Variants in PALS2 observed in about 807,000 individuals in gnomAD.
PALS2 encodes the protein protein PALS2.
In PALS2, 27 loss-of-function variants were observed where a neutral mutation model predicts 61.6. The ratio of observed to expected loss-of-function variants is 0.44; its 90% CI spans 0.32 to 0.60. The LOEUF is 0.60. Among genes scored for constraint, PALS2 ranks in the 20% least tolerant of loss-of-function variants. PALS2 has a pLI of 0.05. For synonymous variants in PALS2, 236 were observed against 218.6 expected (o/e 1.08, Z -0.70); for missense variants, 554 against 639.4 (o/e 0.87, Z 1.44).
At chr7:24,595,573 A>G (rs992556961) in intron 1 of PALS2, among the ~76,000 whole-genome samples, 1 of 138,984 alleles carries the variant, frequency 7.2e-6, no homozygotes, top group Non-Finnish European at 1.5e-5. Flanking sequence ...ATATAAATAT[A>G]TATAAATATA....
At chr7:24,669,698 G>A (rs566013578) in intron 9 of PALS2, among the ~76,000 whole-genome samples, 196 of 152,228 alleles carry the variant, frequency 1.3e-3, no homozygotes, top group African/African-American at 4.3e-3. Context: ...TTCTCAGTGA[G>A]TACTCTTATT....
At position 24,639,814 on chromosome 7, in the gene PALS2, A is replaced by ATTTTTTTT. The variant is rs61073575; in HGVS notation, c.118-1885_118-1878dup. Reference sequence around the variant, plus strand: ...ATTTTTTGTGGCATTTTCTAGTCTAATTTTTTTTTTTTTTTTTTTTTTTTG... The same window carrying ATTTTTTTT: ...ATTTTTTGTGGCATTTTCTAGTCTAATTTTTTTTTTTTTTTTTTTTTTTTTTTTTTTTG... On this transcript the variant is annotated intron_variant, in intron 2 of 11. Coordinates refer to ENST00000222644, the MANE Select transcript of PALS2 (RefSeq NM_001303037.2). Among the ~76,000 whole-genome samples, 71 of 96,244 alleles carry ATTTTTTTT rather than the reference A, an allele frequency of 7.4e-4. 1 individual carries two copies. The highest frequency in any genetic ancestry group is 2.8e-3 in the African/African-American group (61 of 22,018). The allele number at this position is 96,244 out of a possible 152,430, so 63.1% of individuals were successfully genotyped here.
In PALS2 at chr7:24,685,588, A is replaced by G. The variant is rs149071832; in HGVS notation, c.1447-1850A>G. 2.5e-3 allele frequency among the ~76,000 whole-genome samples: 381 copies of G among 151,850 alleles called. 1 individual carries two copies. The highest frequency in any genetic ancestry group is 0.01 in the Middle Eastern group (3 of 288). On this transcript the variant is annotated intron_variant, in intron 11 of 11. Transcript: ENST00000222644. ...ATATCCTAGAGACCACTCTATAGCCAGAGAGAGAATCTTTATTCCTGTTCC... is the reference window on the plus strand; with the variant it reads ...ATATCCTAGAGACCACTCTATAGCCGGAGAGAGAATCTTTATTCCTGTTCC...
At chr7:24,674,935 AT>A (rs1426124470) in intron 9 of PALS2, among the ~76,000 whole-genome samples, 2 of 152,194 alleles carry the variant, frequency 1.3e-5, no homozygotes, top group Non-Finnish European at 2.9e-5. Flanking sequence ...AAAATTGAGA[AT>A]TTTGCCTATC....
Position 24,694,023 on chromosome 7 carries a change from A to T in PALS2, c.*6409A>T, listed in dbSNP as rs1476555506. On this transcript the variant is annotated 3_prime_UTR_variant, in exon 12 of 12. Coordinates refer to ENST00000222644, the MANE Select transcript of PALS2 (RefSeq NM_001303037.2). ...TTTAAAAAAAAAAATGGAGGGCAGA[A>T]TGCTTGTTAGCAATCTGAAAATCAA... 6.6e-6 allele frequency: 1 copy of T among 152,200 alleles called. No individual in the cohort carries two copies. Among genetic ancestry groups the T allele is most frequent in the Non-Finnish European group, 1.5e-5 (1 of 68,032 alleles). 9.4% of individuals were successfully genotyped at this position (152,200 alleles called of 1,614,324 possible). A position where few individuals can be genotyped will look rare whatever the true frequency, so the allele number is the denominator to read the frequency against.
At chr7:24,668,936 G>T (rs552541699) in intron 9 of PALS2, among the ~76,000 whole-genome samples, 1 of 152,272 alleles carries the variant, frequency 6.6e-6, no homozygotes, top group South Asian at 2.1e-4. Flanking sequence ...TTTAAGACTC[G>T]TGGCAAGATA....
At chr7:24,603,927 AG>A (rs1189194058) in intron 1 of PALS2, among the ~76,000 whole-genome samples, 6 of 152,198 alleles carry the variant, frequency 3.9e-5, no homozygotes, top group Non-Finnish European at 5.9e-5. Context: ...GGCAAAGAAA[AG>A]AAATACCAGG....
chr7:24,577,882 T>C (rs1241231070), intron 1 of PALS2, among the ~76,000 whole-genome samples: 2 of 152,208 alleles, frequency 1.3e-5, no homozygotes, highest in Non-Finnish European at 2.9e-5. Flanking sequence ...TTTTATATTA[T>C]TTTATAATCT....
At chr7:24,607,573 A>ATG (rs1229570267) in intron 1 of PALS2, among the ~76,000 whole-genome samples, 4 of 138,824 alleles carry the variant, frequency 2.9e-5, no homozygotes, top group Non-Finnish European at 4.5e-5. Context: ...ATATACATAT[A>ATG]TGTGTGTATA....
intron 2 of PALS2, among the ~76,000 whole-genome samples, chr7:24,627,094 T>C (rs1475647296): frequency 5.3e-5 from 8 of 152,182 alleles, no homozygotes; most frequent in African/African-American, 1.9e-4. Context: ...ATAGCACTTA[T>C]TCTAAAATGG....
intron 1 of PALS2, among the ~76,000 whole-genome samples, chr7:24,603,106 T>C (rs1783776747): frequency 6.6e-6 from 1 of 152,200 alleles, no homozygotes; most frequent in African/African-American, 2.4e-5. Context: ...CATCCCTCTG[T>C]AAACCAGGAA....
chr7:24,653,957 G>T (rs1178303026), intron 5 of PALS2, among the ~76,000 whole-genome samples: 1 of 152,148 alleles, frequency 6.6e-6, no homozygotes, highest in Admixed American at 6.5e-5. Flanking sequence ...TTGGGGAAGT[G>T]GTGATCTTGT....
chr7:24,680,358 G>T (rs771479815), intron 10 of PALS2, 34 bp from the exon 11 acceptor site: 299 of 1,583,546 alleles, frequency 1.9e-4, no homozygotes, highest in Non-Finnish European at 2.5e-4. Flanking sequence ...TTCTAATATT[G>T]TATAAATTGG....
At chr7:24,574,854 A>G (rs940692041) in intron 1 of PALS2, among the ~76,000 whole-genome samples, 1 of 152,200 alleles carries the variant, frequency 6.6e-6, no homozygotes, top group Admixed American at 6.5e-5. Flanking sequence ...GTAATGCGGT[A>G]TATAGTTTCC....
Position 24,665,094 on chromosome 7 carries a change from G to A in PALS2, c.784-494G>A, listed in dbSNP as rs115454953. On this transcript the variant is annotated intron_variant, in intron 6 of 11. Transcript: ENST00000222644. ...GCTGTTTTACATTAGGTGAAGTTTCGCCTAGTTTAAACTTACAAACTCTTG... is the reference window on the plus strand; with the variant it reads ...GCTGTTTTACATTAGGTGAAGTTTCACCTAGTTTAAACTTACAAACTCTTG... 5.2e-3 allele frequency among the ~76,000 whole-genome samples: 794 copies of A among 152,086 alleles called. 6 individuals are homozygous for A. Among genetic ancestry groups the A allele is most frequent in the African/African-American group, 0.017 (725 of 41,492 alleles).
At chr7:24,597,727 A>G (rs561472546) in intron 1 of PALS2, among the ~76,000 whole-genome samples, 6 of 152,312 alleles carry the variant, frequency 3.9e-5, no homozygotes, top group Admixed American at 6.5e-5. Context: ...GATACAAGGA[A>G]TAAAGAATGA....
At chr7:24,648,680 C>T (rs1321731748) in intron 3 of PALS2, among the ~76,000 whole-genome samples, 3 of 151,774 alleles carry the variant, frequency 2.0e-5, no homozygotes, top group African/African-American at 4.8e-5. Context: ...CCGAGGTGGG[C>T]GGATCATGAG....
chr7:24,674,778 AAAATAGAAAAACATTGTTATTT>A (rs1350688534), intron 9 of PALS2, among the ~76,000 whole-genome samples: 1 of 152,166 alleles, frequency 6.6e-6, no homozygotes, highest in Admixed American at 6.6e-5. Context: ...ATCCTAAGAT[AAAATAGAAAAACATTGTTATTT>A]TAGGGAGATG....
chr7:24,617,348 A>G (rs886259257), intron 1 of PALS2, among the ~76,000 whole-genome samples: 5 of 152,046 alleles, frequency 3.3e-5, no homozygotes, highest in African/African-American at 1.2e-4. Flanking sequence ...TACGATTATT[A>G]TTTTGAATTC....
Sources: allele counts gnomAD v4.1 joint callset (sites outside exome capture counted in the v4.1 genomes callset), GRCh38; gene constraint gnomAD v4.1.1; transcripts MANE v1.5; gene names NCBI Gene and HGNC (gene_info 2026-07-23, HGNC 2026-07-21).